The following RBFOX1 variants were observed in gnomAD, a reference collection of about 807,000 sequenced individuals.
The protein encoded by RBFOX1 is RNA binding fox-1 homolog 1.
RBFOX1 carries 8 observed loss-of-function variants against 57.7 expected under a neutral mutation model. That is an observed-to-expected ratio of 0.14 (90% confidence interval 0.08 to 0.25). The LOEUF is 0.25. Ranked by LOEUF, RBFOX1 falls within the 10% of genes least tolerant of loss-of-function variation. RBFOX1 has a pLI of 1.00. For synonymous variants in RBFOX1, 326 were observed against 222.4 expected, an observed-to-expected ratio of 1.47 and a Z score of -4.15; for missense variants, 611 against 548.5, an observed-to-expected ratio of 1.11 and a Z score of -1.14.
intron 2 of RBFOX1, among the ~76,000 whole-genome samples, chr16:6,519,666 A>G (rs1283241749): frequency 2.6e-5 from 4 of 152,138 alleles, no homozygotes; most frequent in Non-Finnish European, 5.9e-5. Context: ...ACGCTACTGC[A>G]CTGCAGTCTG....
At chr16:5,709,693 A>T (rs778247280) in intron 3 of RBFOX1, among the ~76,000 whole-genome samples, 1 of 131,550 alleles carries the variant, frequency 7.6e-6, no homozygotes, top group East Asian at 2.0e-4. Flanking sequence ...GTTGAAATTC[A>T]TCTGACACCT....
intron 3 of RBFOX1, among the ~76,000 whole-genome samples, chr16:6,805,582 A>G (rs138893715): frequency 3.3e-5 from 5 of 152,238 alleles, no homozygotes; most frequent in African/African-American, 1.2e-4. Context: ...TGAAAGGAAT[A>G]CAGATCATCA....
At chr16:7,568,919 A>ACTGT (rs2092454068) in intron 5 of RBFOX1, among the ~76,000 whole-genome samples, 1 of 151,270 alleles carries the variant, frequency 6.6e-6, no homozygotes. Context: ...ATCACTTAAA[A>ACTGT]CTGTCTGGGA....
At chr16:7,138,023 A>G (rs1600667660) in intron 4 of RBFOX1, among the ~76,000 whole-genome samples, 1 of 152,224 alleles carries the variant, frequency 6.6e-6, no homozygotes, top group Non-Finnish European at 1.5e-5. Flanking sequence ...GCCCGAGGTG[A>G]CACAGCAGAG....
chr16:5,471,039 G>C (rs957739198), intron 2 of RBFOX1, among the ~76,000 whole-genome samples: 1 of 152,072 alleles, frequency 6.6e-6, no homozygotes, highest in African/African-American at 2.4e-5. Flanking sequence ...TTTTAGTAGA[G>C]ACGGGGCTGG....
intron 3 of RBFOX1, among the ~76,000 whole-genome samples, chr16:5,708,500 ATC>A (rs2051333863): frequency 2.6e-5 from 4 of 152,182 alleles, no homozygotes; most frequent in Non-Finnish European, 5.9e-5. Flanking sequence ...GTCCAGCTGG[ATC>A]TGTGTCTTCC....
At chr16:6,809,786 A>G (rs1444305473) in intron 3 of RBFOX1, among the ~76,000 whole-genome samples, 2 of 150,388 alleles carry the variant, frequency 1.3e-5, no homozygotes, top group Admixed American at 6.7e-5. Flanking sequence ...GCTTTTAAAA[A>G]ACACTTCAGC....
At chr16:7,428,498 TTATTA>T (rs1568851698) in intron 4 of RBFOX1, among the ~76,000 whole-genome samples, 14 of 100,822 alleles carry the variant, frequency 1.4e-4, no homozygotes, top group East Asian at 6.9e-4. Context: ...GGCTATTTTA[TTATTA>T]TTATTATTAT....
At chr16:7,196,965 A>C (rs984078295) in intron 4 of RBFOX1, among the ~76,000 whole-genome samples, 1 of 152,220 alleles carries the variant, frequency 6.6e-6, no homozygotes, top group Admixed American at 6.5e-5. Flanking sequence ...CCAGTGGTCT[A>C]ATCTTTGCAC....
At chr16:5,709,665 T>G (rs996898658) in intron 3 of RBFOX1, among the ~76,000 whole-genome samples, 1 of 150,208 alleles carries the variant, frequency 6.7e-6, no homozygotes, top group African/African-American at 2.5e-5. Flanking sequence ...AGGATAATAT[T>G]GTCTTTTTCA....
At chr16:6,810,111 G>C (rs1442614598) in intron 3 of RBFOX1, among the ~76,000 whole-genome samples, 3 of 146,984 alleles carry the variant, frequency 2.0e-5, no homozygotes, top group Non-Finnish European at 4.5e-5. Context: ...ATCTTTTCTT[G>C]TCAACATTTA....
At chr16:6,935,371 A>C (rs1159568125) in intron 3 of RBFOX1, among the ~76,000 whole-genome samples, 1 of 152,180 alleles carries the variant, frequency 6.6e-6, no homozygotes, top group Non-Finnish European at 1.5e-5. Context: ...AATAGAATAG[A>C]ATGTAGCAGA....
intron 2 of RBFOX1, among the ~76,000 whole-genome samples, chr16:6,648,036 T>G (rs2098548068): frequency 6.6e-6 from 1 of 151,924 alleles, no homozygotes; most frequent in Non-Finnish European, 1.5e-5. Flanking sequence ...GAGACAGGGG[T>G]TTCATTTTCT....
At chr16:6,446,370 A>T (rs2094485959) in intron 2 of RBFOX1, among the ~76,000 whole-genome samples, 2 of 152,200 alleles carry the variant, frequency 1.3e-5, no homozygotes, top group South Asian at 4.1e-4. Flanking sequence ...TTCCCATTGC[A>T]TCTTCAAAAG....
At chr16:5,609,576 C>T (rs994146906) in intron 3 of RBFOX1, among the ~76,000 whole-genome samples, 9 of 152,172 alleles carry the variant, frequency 5.9e-5, no homozygotes, top group Non-Finnish European at 1.0e-4. Context: ...CGAAGGTTGA[C>T]CCAGCGTCAC....
chr16:7,420,938 T>TACACACACAC (rs917264873), intron 4 of RBFOX1, among the ~76,000 whole-genome samples: 57 of 140,128 alleles, frequency 4.1e-4, no homozygotes, highest in Admixed American at 1.5e-3. Context: ...CATATATATA[T>TACACACACAC]ACACACACAC....
chr16:6,813,975 A>G lies in RBFOX1; in HGVS notation c.-16+159325A>G, dbSNP rs2089437052. On this transcript the variant is annotated intron_variant, in intron 3 of 15. Transcript: ENST00000550418. ...ACCAGTCCTTGCTACTAACACTCTC[A>G]TCATGGCACTGGCAATATCTGAGGA... 1.3e-5 allele frequency among the ~76,000 whole-genome samples: 2 copies of G among 152,146 alleles called. 1 individual carries two copies. The highest frequency in any genetic ancestry group is 4.1e-4 in the South Asian group (2 of 4,822).
At chr16:5,933,968 G>A (rs568950779) in intron 4 of RBFOX1, among the ~76,000 whole-genome samples, 4 of 151,886 alleles carry the variant, frequency 2.6e-5, no homozygotes, top group Non-Finnish European at 4.4e-5. Context: ...TCAAGTAGGC[G>A]CCTGTGTCTG....
In RBFOX1 at chr16:5,465,189, TG is replaced by T. The variant is rs1470265978; in HGVS notation, c.220-2025del. On this transcript the variant is annotated intron_variant, in intron 1 of 2. Transcript: ENST00000585867. ...TCCAAGATCGAGGTGTCAGCAGGAT[TG>T]GTTTCTTCTGAGGCCCCTCTCCTTG... Among the ~76,000 whole-genome samples, 6 of 152,262 alleles carry T rather than the reference TG, an allele frequency of 3.9e-5. No homozygotes were observed. In the East Asian group the frequency reaches 1.2e-3, roughly 29 times the overall value.
Sources: allele counts gnomAD v4.1 joint callset (sites outside exome capture counted in the v4.1 genomes callset), GRCh38; gene constraint gnomAD v4.1.1; transcripts MANE v1.5; gene names NCBI Gene and HGNC (gene_info 2026-07-23, HGNC 2026-07-21).